Variants in CP observed in about 807,000 individuals in gnomAD.
CP encodes caeruloplasmin.
CP carries 64 observed loss-of-function variants against 122.4 expected under a neutral mutation model. The observed-to-expected ratio is 0.52, with a 90% CI of 0.43 to 0.64. The LOEUF (loss-of-function observed/expected upper bound fraction) is 0.64. Ranked by LOEUF, CP falls within the 30% of genes least tolerant of loss-of-function variation. The pLI is 0.00. For missense variants in CP, 1,167 were observed against 1,284.4 expected (o/e 0.91, Z 1.40); for synonymous variants, 440 against 436.4 (o/e 1.01, Z -0.10).
rs186872520 is a variant in CP at position 149,163,869 on chromosome 3, A to G, written c.*14-994T>C. 1.8e-5 allele frequency: 29 copies of G among 1,576,838 alleles called. No homozygotes were observed. The Admixed American group carries it at 2.3e-4, about 13-fold the overall frequency. On this transcript the variant is annotated intron_variant, in intron 5 of 5. Transcript: ENST00000479771. ...AAATGCCTGTAGTCATTATGGCTTA[A>G]TTTATCCATGGGTTCACGTCGTAAT...
rs753915946 is a variant in CP, at chr3:149,176,267, G to T, written c.3164C>A (p.Thr1055Asn). The change falls in exon 18 of 19, where the codon ACC (threonine) becomes AAC (asparagine). Residue 1055 changes from threonine to asparagine, a missense_variant. Transcript: ENST00000264613. ...ATATTCACCTTCATTTTGTAGAACG[G>T]TGTAAGTGGTTTCCATTCCAGCATG... ...HIHAGMETTY[T>N]VLQNEDTKSG The T allele has an allele frequency of 1.9e-6, 3 of 1,612,374 alleles. No homozygotes were observed. Among genetic ancestry groups the T allele is most frequent in the Non-Finnish European group, 2.5e-6 (3 of 1,179,538 alleles).
chr3:149,186,495 G>A (rs373901837), intron 11 of CP, 25 bp downstream of exon 11: 2 of 1,605,530 alleles, frequency 1.2e-6, no homozygotes, highest in Non-Finnish European at 8.5e-7. Context: ...CCATCCAATA[G>A]AGACTTGGCT....
chr3:149,167,269 C>G (rs1300598512), intron 4 of CP: 2 of 1,547,938 alleles, frequency 1.3e-6, no homozygotes, highest in Non-Finnish European at 1.8e-6. Context: ...TGTTTTTAGG[C>G]TTGATCAGTG....
chr3:149,166,799 A>G (rs1296257898), intron 4 of CP, among the ~76,000 whole-genome samples: 2 of 152,224 alleles, frequency 1.3e-5, no homozygotes, highest in African/African-American at 4.8e-5. Flanking sequence ...AAATAAAATC[A>G]TGTTATTTAA....
chr3:149,164,155 C>T (rs1011934373), intron 5 of CP, among the ~76,000 whole-genome samples: 1 of 152,136 alleles, frequency 6.6e-6, no homozygotes, highest in Non-Finnish European at 1.5e-5. Context: ...TGCTGAGCGG[C>T]TGGTTTTGTT....
At chr3:149,204,958 G>A (rs1727603005) in intron 6 of CP, among the ~76,000 whole-genome samples, 1 of 152,018 alleles carries the variant, frequency 6.6e-6, no homozygotes, top group Non-Finnish European at 1.5e-5. Flanking sequence ...GCAAATAACT[G>A]ATAAGGAATT....
Position 149,187,990 on chromosome 3 carries a change from A to G in CP, c.1864+62T>C, listed in dbSNP as rs35149808. On this transcript the variant is annotated intron_variant, in intron 10 of 18. Coordinates refer to ENST00000264613, the MANE Select transcript of CP (RefSeq NM_000096.4). ...AAAGCTCTTCACATTTTGTTTAGTT[A>G]AAAGCATTACATATGCAGTACTAAA... is the stretch of plus-strand genomic sequence containing the variant. The G allele has an allele frequency of 0.022, 34,265 of 1,561,044 alleles. 1,706 individuals carry two copies. Among genetic ancestry groups the G allele is most frequent in the African/African-American group, 0.2 (15,054 of 73,886 alleles).
chr3:149,184,181 C>T (rs1013742122), intron 12 of CP, among the ~76,000 whole-genome samples: 4 of 151,496 alleles, frequency 2.6e-5, no homozygotes, highest in Non-Finnish European at 5.9e-5. Context: ...ACTACAAGCG[C>T]CCGCCACCAT....
At chr3:149,199,681 G>A in intron 8 of CP, 31 bp downstream of exon 8, 1 of 1,613,232 alleles carries the variant, frequency 6.2e-7, no homozygotes, top group Non-Finnish European at 8.5e-7. Context: ...ATTAAACATT[G>A]TTGATTTGTT....
At chr3:149,178,980 C>G (rs1725606536) in intron 15 of CP, among the ~76,000 whole-genome samples, 1 of 152,060 alleles carries the variant, frequency 6.6e-6, no homozygotes, top group African/African-American at 2.4e-5. Flanking sequence ...CTATGGCAGT[C>G]CCTAAAAATC....
intron 6 of CP, 66 bp downstream of exon 6, chr3:149,206,102 C>A (rs1727691479): frequency 1.4e-6 from 2 of 1,473,134 alleles, no homozygotes; most frequent in African/African-American, 2.8e-5. Flanking sequence ...GCTGAATTAG[C>A]CTTTTGTAGT....
Position 149,198,296 on chromosome 3 carries a change from A to G in CP, c.1713+71T>C, listed in dbSNP as rs982922355. On this transcript the variant is annotated intron_variant, in intron 9 of 18. Coordinates refer to ENST00000264613, the MANE Select transcript of CP (RefSeq NM_000096.4). ...TTTTTGGAGATAATGATGAGGTTAG[A>G]TATTTCTATTTCTGTCAAATGATCA... 3 of 1,202,570 alleles carry G rather than the reference A, an allele frequency of 2.5e-6. No individual in the cohort carries two copies. In the African/African-American group the frequency reaches 4.5e-5, roughly 18 times the overall value. The allele number at this position is 1,202,570 out of a possible 1,614,324, so 74.5% of individuals were successfully genotyped here. A position where few individuals can be genotyped will look rare whatever the true frequency, so the allele number is the denominator to read the frequency against.
intron 9 of CP, among the ~76,000 whole-genome samples, chr3:149,197,897 C>A (rs1727005258): frequency 6.6e-6 from 1 of 152,172 alleles, no homozygotes; most frequent in African/African-American, 2.4e-5. Context: ...GACAGACCAC[C>A]TAACAGGCTC....
At chr3:149,219,686 T>TAATA in intron 1 of CP, among the ~76,000 whole-genome samples, 1 of 152,136 alleles carries the variant, frequency 6.6e-6, no homozygotes, top group South Asian at 2.1e-4. Flanking sequence ...AAGAACAGAC[T>TAATA]AATACAGTAA....
chr3:149,162,466 G>A (rs1328123793), exon 6 of CP: 4 of 917,104 alleles, frequency 4.4e-6, no homozygotes, highest in Non-Finnish European at 6.9e-6. Context: ...CAGTTTATAA[G>A]ATAAAAGTAC....
At chr3:149,214,063 A>T (rs1449410274) in intron 1 of CP, among the ~76,000 whole-genome samples, 2 of 152,134 alleles carry the variant, frequency 1.3e-5, no homozygotes, top group East Asian at 3.9e-4. Flanking sequence ...GTGTGTTTTG[A>T]TGAGATAGTC....
At position 149,190,085 on chromosome 3, in the gene CP, A is replaced by G. The variant is rs35927352; in HGVS notation, c.1714-1883T>C. 9.2e-3 allele frequency among the ~76,000 whole-genome samples: 1,401 copies of G among 152,266 alleles called. 17 individuals carry two copies. Among genetic ancestry groups the G allele is most frequent in the South Asian group, 0.021 (101 of 4,830 alleles). ...TAAAATTAGTTACAGAGAAAAATTA[A>G]CAAAGACAAAAGCATAAATTAAGAA... On this transcript the variant is annotated intron_variant, in intron 9 of 18. Coordinates refer to ENST00000264613, the MANE Select transcript of CP (RefSeq NM_000096.4).
rs752173272 is a variant in CP, at chr3:149,202,245, C to A, written c.1209-4G>T. The A allele has an allele frequency of 1.9e-6, 3 of 1,614,030 alleles. No individual in the cohort carries two copies. Among genetic ancestry groups the A allele is most frequent in the Non-Finnish European group, 2.5e-6 (3 of 1,179,996 alleles). On this transcript the variant is annotated splice_polypyrimidine_tract_variant and splice_region_variant and intron_variant, in intron 6 of 18. Transcript: ENST00000264613. ...TTCAAAAAACACCGCTGAGTCACTG[C>A]AGGGGGAAAAAAGTGTTTAATGCTG...
intron 14 of CP, among the ~76,000 whole-genome samples, chr3:149,180,491 A>G (rs1486454235): frequency 6.6e-6 from 1 of 151,964 alleles, no homozygotes; most frequent in Non-Finnish European, 1.5e-5. Flanking sequence ...CCACTCACCA[A>G]TCCCAGCCAC....
Sources: gnomAD v4.1 joint callset for allele counts (sites outside exome capture counted in the v4.1 genomes callset) on GRCh38, gnomAD v4.1.1 for gene constraint, MANE v1.5 for transcripts, NCBI Gene and HGNC (gene_info 2026-07-23, HGNC 2026-07-21) for gene names.